ABCC5: variants seen among roughly 807,000 people sequenced by gnomAD.
The protein encoded by ABCC5 is ATP binding cassette subfamily C member 5.
A neutral mutation model predicts 160.9 loss-of-function variants in ABCC5; 61 were observed. That is an observed-to-expected ratio of 0.38 (90% confidence interval 0.31 to 0.47). The LOEUF (loss-of-function observed/expected upper bound fraction) is 0.47. Among genes scored for constraint, ABCC5 ranks in the 20% least tolerant of loss-of-function variants. The probability of loss-of-function intolerance (pLI) is 0.99; values close to 1 mark genes in which losing one functional copy is unlikely to be tolerated. For missense variants in ABCC5, 1,308 were observed against 1,813.3 expected (o/e 0.72, Z 5.06); for synonymous variants, 666 against 700.6 (o/e 0.95, Z 0.78).
chr3:183,962,054 A>G (rs1429750273), intron 15 of ABCC5, among the ~76,000 whole-genome samples: 2 of 152,022 alleles, frequency 1.3e-5, no homozygotes, highest in Non-Finnish European at 2.9e-5. Context: ...GCCCAGCTGG[A>G]GACATTTTTG....
chr3:183,978,333 G>GT (rs1560026380), intron 9 of ABCC5, among the ~76,000 whole-genome samples, 170 bp downstream of exon 9: 115 of 151,456 alleles, frequency 7.6e-4, no homozygotes, highest in African/African-American at 2.7e-3. Flanking sequence ...TTGTTTGTTT[G>GT]TTTGTTTTGT....
chr3:183,941,525 T>C (rs572329617), intron 25 of ABCC5, among the ~76,000 whole-genome samples: 1 of 152,188 alleles, frequency 6.6e-6, no homozygotes, highest in Non-Finnish European at 1.5e-5. Context: ...AAAAGGTTTT[T>C]TTTTTTTTAA....
chr3:184,004,055 A>T (rs1720967224), intron 2 of ABCC5, among the ~76,000 whole-genome samples: 1 of 152,168 alleles, frequency 6.6e-6, no homozygotes, highest in Non-Finnish European at 1.5e-5. Context: ...AGACTGATTT[A>T]ATTGGTCTGG....
At chr3:183,968,823 T>C (rs956300965) in intron 11 of ABCC5, among the ~76,000 whole-genome samples, 7 of 152,210 alleles carry the variant, frequency 4.6e-5, no homozygotes, top group African/African-American at 1.7e-4. Flanking sequence ...CCAACTTCAC[T>C]AGCACTTGCT....
At chr3:183,965,522 C>A in intron 12 of ABCC5, 21 bp from the exon 13 acceptor site, 1 of 1,613,304 alleles carries the variant, frequency 6.2e-7, no homozygotes, top group South Asian at 1.1e-5. Flanking sequence ...AGACACCATC[C>A]AATGGCATCA....
At chr3:183,979,853 G>A (rs1718553309) in intron 8 of ABCC5, among the ~76,000 whole-genome samples, 1 of 151,518 alleles carries the variant, frequency 6.6e-6, no homozygotes, top group African/African-American at 2.4e-5. Context: ...GAGACTAAAG[G>A]CATGAGCCAC....
rs768890673 is a variant in ABCC5 at position 183,953,267 on chromosome 3, T to C, written c.2486A>G (p.Gln829Arg). ...CCCTTTCTCTTCCAGCTGCACAAGC[T>C]GCCCTAGGTAAGAAAAAAAGAAACA... ...KEKAVKPEEG[Q>R]LVQLEEKGQG... Residue 829 changes from glutamine to arginine, a missense_variant, in exon 18 of 30, where the codon CAG becomes CGG. Physicochemically the swap from Gln to Arg is conservative, Grantham distance 43 (BLOSUM62 1). This residue lies in a region of ABCC5 where 1,142 missense variants were observed against 1,527.1 expected (regional missense o/e 0.75). Transcript: ENST00000334444. The C allele has an allele frequency of 6.3e-7, 1 of 1,594,856 alleles. No homozygotes were observed. The highest frequency in any genetic ancestry group is 2.2e-5 in the East Asian group (1 of 44,708).
At chr3:183,967,918 A>G (rs1434456945) in intron 11 of ABCC5, 152 bp from the exon 12 acceptor site, 3 of 663,062 alleles carry the variant, frequency 4.5e-6, no homozygotes, top group African/African-American at 3.6e-5. Context: ...CTCACTCATT[A>G]GCTGCCTATC....
In ABCC5 at chr3:183,949,960, C is replaced by G. The variant is rs1715190232; in HGVS notation, c.3098+12G>C. ...TCCGTGGCCCCAGCAGACATGAACG[C>G]TTCCTATTTACCTGGAGACAATGTG... On this transcript the variant is annotated intron_variant, in intron 21 of 29. Coordinates refer to ENST00000334444, the MANE Select transcript of ABCC5 (RefSeq NM_005688.4). This position sits in a 1 kb window ranked among gnomAD's most constrained non-coding sequence, Gnocchi z 4.2. The G allele has an allele frequency of 1.2e-5, 20 of 1,614,082 alleles. No individual in the cohort carries two copies. The highest frequency in any genetic ancestry group is 1.4e-5 in the Non-Finnish European group (17 of 1,179,998).
At chr3:183,925,988 G>A (rs1168073234) in intron 28 of ABCC5, among the ~76,000 whole-genome samples, 1 of 150,580 alleles carries the variant, frequency 6.6e-6, no homozygotes, top group African/African-American at 2.4e-5. Context: ...ACAGGCGCCC[G>A]CCACCACGCC....
At chr3:183,928,906 C>A in intron 26 of ABCC5, 81 bp from the exon 27 acceptor site, 1 of 1,154,958 alleles carries the variant, frequency 8.7e-7, no homozygotes. Flanking sequence ...AGATGTTTAA[C>A]ACACATGCAT....
chr3:183,988,715 T>C lies in ABCC5; in HGVS notation c.300A>G (p.Pro100=). ...PIRTTSKHQH[P]VDNAGLFSCM... ...AGGAAAAAAGCCCAGCATTGTCCACTGGGTGCTGGTGTCTAAGGAGAGAAA... is the reference window on the plus strand; with the variant it reads ...AGGAAAAAAGCCCAGCATTGTCCACCGGGTGCTGGTGTCTAAGGAGAGAAA... Residue 100 remains proline, a synonymous_variant, in exon 4 of 30, where the codon CCA becomes CCG. Coordinates refer to ENST00000334444, the MANE Select transcript of ABCC5 (RefSeq NM_005688.4). This position sits in a 1 kb window ranked among gnomAD's most constrained non-coding sequence, Gnocchi z 4.4. 1 of 1,613,646 alleles carries C rather than the reference T, an allele frequency of 6.2e-7. No individual in the cohort carries two copies. Among genetic ancestry groups the C allele is most frequent in the South Asian group, 1.1e-5 (1 of 91,042 alleles).
intron 10 of ABCC5, among the ~76,000 whole-genome samples, chr3:183,973,981 T>C (rs1717996817): frequency 6.6e-6 from 1 of 152,206 alleles, no homozygotes; most frequent in East Asian, 1.9e-4. Flanking sequence ...CCCCGCAGCC[T>C]TACCCTCCCT....
chr3:183,997,019 C>T (rs142782525), intron 2 of ABCC5, among the ~76,000 whole-genome samples: 148 of 152,296 alleles, frequency 9.7e-4, no homozygotes, highest in African/African-American at 3.5e-3. Context: ...TCCATATTTG[C>T]ACCTACCTCC....
chr3:183,995,592 T>C (rs1210954575), intron 2 of ABCC5, among the ~76,000 whole-genome samples: 1 of 152,124 alleles, frequency 6.6e-6, no homozygotes, highest in Non-Finnish European at 1.5e-5. Flanking sequence ...AAGTTGGCCA[T>C]GCCTGTGTGA....
intron 17 of ABCC5, among the ~76,000 whole-genome samples, chr3:183,957,746 G>GTA: frequency 9.4e-6 from 1 of 105,916 alleles, no homozygotes; most frequent in South Asian, 3.1e-4. Context: ...GGTTACATGC[G>GTA]GATCCGTGTG....
At chr3:183,945,119 T>C (rs1014156837) in intron 24 of ABCC5, among the ~76,000 whole-genome samples, 6 of 152,240 alleles carry the variant, frequency 3.9e-5, no homozygotes, top group East Asian at 1.9e-4. Context: ...CTCCCAGCCA[T>C]GCGTCCTGTT....
intron 17 of ABCC5, among the ~76,000 whole-genome samples, chr3:183,954,529 A>AAGAG (rs1046337737): frequency 6.6e-6 from 1 of 152,176 alleles, no homozygotes; most frequent in Non-Finnish European, 1.5e-5. Flanking sequence ...CACTGTAGGT[A>AAGAG]AGAGATGATA....
intron 26 of ABCC5, among the ~76,000 whole-genome samples, chr3:183,937,477 A>G (rs1713853266): frequency 6.6e-6 from 1 of 152,240 alleles, no homozygotes; most frequent in Non-Finnish European, 1.5e-5. Context: ...GGCTGATGAC[A>G]GCAGCCACCA....
Sources: allele counts gnomAD v4.1 joint callset (sites outside exome capture counted in the v4.1 genomes callset), GRCh38; gene constraint gnomAD v4.1.1; regional missense constraint gnomAD v4.1.1; non-coding constraint Gnocchi (gnomAD v3.1); transcripts MANE v1.5; gene names NCBI Gene and HGNC (gene_info 2026-07-23, HGNC 2026-07-21).